Variants in NEMP2 observed in about 807,000 individuals in gnomAD.
The protein encoded by NEMP2 is UPF0571 transmembrane protein.
In NEMP2, 53 loss-of-function variants were observed where a neutral mutation model predicts 54.2. The observed-to-expected ratio is 0.98, with a 90% confidence interval of 0.78 to 1.23. NEMP2 has a LOEUF of 1.23. NEMP2 is among the 50% of genes most tolerant of loss of function. The pLI, the probability that NEMP2 is intolerant of heterozygous loss-of-function variation, is 0.00. For missense variants in NEMP2, 455 were observed against 511.3 expected (o/e 0.89, Z 1.06); for synonymous variants, 197 against 190.3 (o/e 1.04, Z -0.29).
At chr2:190,517,755 C>T in intron 4 of NEMP2, 142 bp from the exon 5 acceptor site, 1 of 633,498 alleles carries the variant, frequency 1.6e-6, no homozygotes, top group Non-Finnish European at 2.8e-6. Context: ...ATCCTATACT[C>T]TTAAAAAACA....
intron 2 of NEMP2, among the ~76,000 whole-genome samples, chr2:190,524,943 T>C (rs1321900785): frequency 1.3e-5 from 2 of 152,240 alleles, no homozygotes; most frequent in Non-Finnish European, 2.9e-5. Context: ...TGGAGGGGCT[T>C]TGGATAGCAA....
In NEMP2 at chr2:190,525,495, C is replaced by A. The variant is rs1443297922; in HGVS notation, c.98-117G>T. 5 of 581,730 alleles carry A rather than the reference C, an allele frequency of 8.6e-6. No homozygotes were observed. The highest frequency in any genetic ancestry group is 1.5e-5 in the Non-Finnish European group (5 of 326,200). The allele number at this position is 581,730 out of a possible 1,614,324, so 36.0% of individuals were successfully genotyped here. On this transcript the variant is annotated intron_variant, in intron 1 of 8. Coordinates refer to ENST00000409150, the MANE Select transcript of NEMP2 (RefSeq NM_001142645.2). This position sits in a 1 kb window ranked among gnomAD's most constrained non-coding sequence, Gnocchi z 5.0. ...TTTAACGTTCTATGGCCAATAAATT[C>A]TCCTATATGATAATTATAGTCCTTC... is the stretch of plus-strand genomic sequence containing the variant.
chr2:190,511,799 C>A (rs1432066425), intron 7 of NEMP2, among the ~76,000 whole-genome samples: 1 of 151,330 alleles, frequency 6.6e-6, no homozygotes, highest in Non-Finnish European at 1.5e-5. Context: ...CATGATCCAT[C>A]CACCTCAGCC....
intron 1 of NEMP2, among the ~76,000 whole-genome samples, chr2:190,526,911 G>T (rs1690959456): frequency 6.6e-6 from 1 of 152,074 alleles, no homozygotes; most frequent in African/African-American, 2.4e-5. Context: ...GAGAAAGAGA[G>T]ATATATATTA....
the NEMP2 span, among the ~76,000 whole-genome samples, chr2:190,598,548 A>G: frequency 6.6e-6 from 1 of 152,346 alleles, no homozygotes; most frequent in East Asian, 1.9e-4. Context: ...TCCACTTGGA[A>G]TGGCATCAAG....
At chr2:190,562,233 T>A in the NEMP2 span, among the ~76,000 whole-genome samples, 1 of 152,182 alleles carries the variant, frequency 6.6e-6, no homozygotes, top group African/African-American at 2.4e-5. The surrounding 1 kb of genome is among the most constrained non-coding windows in gnomAD (Gnocchi z 5.0). Flanking sequence ...ACTCCATAGC[T>A]AAGCTCTGGT....
the NEMP2 span, among the ~76,000 whole-genome samples, chr2:190,584,703 T>C: frequency 6.6e-6 from 1 of 151,900 alleles, no homozygotes; most frequent in Non-Finnish European, 1.5e-5. This position sits in a 1 kb window ranked among gnomAD's most constrained non-coding sequence, Gnocchi z 4.2. Flanking sequence ...CAAGGCCCTA[T>C]CTTTGCAAAA....
chr2:190,428,116 G>T, the NEMP2 span, among the ~76,000 whole-genome samples: 1 of 152,234 alleles, frequency 6.6e-6, no homozygotes, highest in Admixed American at 6.5e-5. Context: ...GTGATCTTTT[G>T]TTTCCTGCTT....
the NEMP2 span, among the ~76,000 whole-genome samples, chr2:190,596,498 G>A: frequency 6.6e-6 from 1 of 152,198 alleles, no homozygotes; most frequent in African/African-American, 2.4e-5. The surrounding 1 kb of genome is among the most constrained non-coding windows in gnomAD (Gnocchi z 5.1). Context: ...ATCAGCAGCT[G>A]GACCTGTGCC....
At chr2:190,603,853 T>C in the NEMP2 span, among the ~76,000 whole-genome samples, 2 of 151,988 alleles carry the variant, frequency 1.3e-5, no homozygotes, top group Non-Finnish European at 2.9e-5. Context: ...CTCTGGAGTA[T>C]GTTTTCTGTG....
chr2:190,516,918 CTG>C (rs1690579167), intron 5 of NEMP2, among the ~76,000 whole-genome samples: 3 of 151,864 alleles, frequency 2.0e-5, no homozygotes, highest in Non-Finnish European at 4.4e-5. Context: ...TGGTGAAATC[CTG>C]TCTCTACAAA....
the NEMP2 span, among the ~76,000 whole-genome samples, chr2:190,554,332 T>C: frequency 2.0e-5 from 3 of 152,114 alleles, no homozygotes; most frequent in Non-Finnish European, 2.9e-5. This position sits in a 1 kb window ranked among gnomAD's most constrained non-coding sequence, Gnocchi z 5.7. Context: ...GAAAGGAGAC[T>C]GAAGCCAGGG....
At chr2:190,544,566 A>G in the NEMP2 span, among the ~76,000 whole-genome samples, 1 of 152,168 alleles carries the variant, frequency 6.6e-6, no homozygotes, top group Non-Finnish European at 1.5e-5. Context: ...GGGGATTTAC[A>G]TTTATGATTC....
At chr2:190,489,012 C>T in the NEMP2 span, among the ~76,000 whole-genome samples, 1 of 152,238 alleles carries the variant, frequency 6.6e-6, no homozygotes, top group Non-Finnish European at 1.5e-5. The surrounding 1 kb of genome is among the most constrained non-coding windows in gnomAD (Gnocchi z 6.6). Flanking sequence ...TGATCTGAGC[C>T]AGCCTGTAAC....
At chr2:190,644,461 G>A in the NEMP2 span, among the ~76,000 whole-genome samples, 3 of 152,190 alleles carry the variant, frequency 2.0e-5, no homozygotes, top group African/African-American at 7.2e-5. This position sits in a 1 kb window ranked among gnomAD's most constrained non-coding sequence, Gnocchi z 4.4. Context: ...TATATTGTCA[G>A]TGGCATACAT....
At chr2:190,469,622 G>C in the NEMP2 span, 3 of 405,392 alleles carry the variant, frequency 7.4e-6, no homozygotes, top group Admixed American at 1.3e-4. This position sits in a 1 kb window ranked among gnomAD's most constrained non-coding sequence, Gnocchi z 5.3. Flanking sequence ...GAGTCTGCTG[G>C]ATGATGGGTG....
At chr2:190,455,525 A>G in the NEMP2 span, among the ~76,000 whole-genome samples, 2 of 152,204 alleles carry the variant, frequency 1.3e-5, no homozygotes, top group Non-Finnish European at 2.9e-5. Flanking sequence ...GTTGATCTGC[A>G]CGACCCTGGC....
the NEMP2 span, among the ~76,000 whole-genome samples, chr2:190,595,951 T>C: frequency 3.9e-5 from 6 of 152,260 alleles, no homozygotes; most frequent in East Asian, 1.2e-3. This position sits in a 1 kb window ranked among gnomAD's most constrained non-coding sequence, Gnocchi z 4.0. Context: ...CATGCACACA[T>C]ATGTTTACTG....
chr2:190,645,557 C>A, the NEMP2 span, among the ~76,000 whole-genome samples: 2 of 152,118 alleles, frequency 1.3e-5, no homozygotes, highest in African/African-American at 4.8e-5. Context: ...CTACAAAATA[C>A]AAAATTCTGC....
Sources: allele counts gnomAD v4.1 joint callset (sites outside exome capture counted in the v4.1 genomes callset), GRCh38; gene constraint gnomAD v4.1.1; non-coding constraint Gnocchi (gnomAD v3.1); transcripts MANE v1.5; gene names NCBI Gene and HGNC (gene_info 2026-07-23, HGNC 2026-07-21).